EYS: variants seen among roughly 807,000 people sequenced by gnomAD.
The protein encoded by EYS is protein eyes shut homolog.
In EYS, 250 loss-of-function variants were observed where a neutral mutation model predicts 282.1. That is an observed-to-expected ratio of 0.89 (90% CI 0.80 to 0.98). The LOEUF (loss-of-function observed/expected upper bound fraction) is 0.98, where lower values mean the gene tolerates loss of function less well. Among genes scored for constraint, EYS ranks in the 50% least tolerant of loss-of-function variants. EYS has a pLI of 0.00. For missense variants in EYS, 4,016 were observed against 3,709.0 expected (o/e 1.08, Z -2.15); for synonymous variants, 1,355 against 1,282.9 (o/e 1.06, Z -1.20).
At chr6:64,966,422 T>C (rs893930347) in intron 14 of EYS, among the ~76,000 whole-genome samples, 2 of 152,170 alleles carry the variant, frequency 1.3e-5, no homozygotes, top group African/African-American at 4.8e-5. Context: ...TATGTCATAT[T>C]CTATTAAAAT....
At chr6:63,844,983 A>T (rs1772061231) in intron 36 of EYS, among the ~76,000 whole-genome samples, 1 of 152,052 alleles carries the variant, frequency 6.6e-6, no homozygotes, top group African/African-American at 2.4e-5. Context: ...TAGGGCTTTT[A>T]TAGTTTTGGG....
In EYS at chr6:65,702,552, C is replaced by T. The variant is rs142303779; in HGVS notation, c.-448+4583G>A. On this transcript the variant is annotated intron_variant, in intron 1 of 42. Transcript: ENST00000503581. ...ACTAAAAATACAAAAATTAGCCAGG[C>T]GTGGTAGCACTTGCCTGTATTCCCA... is the stretch of plus-strand genomic sequence containing the variant. 9.9e-3 allele frequency among the ~76,000 whole-genome samples: 1,502 copies of T among 152,112 alleles called. 27 individuals are homozygous for T. The highest frequency in any genetic ancestry group is 0.034 in the African/African-American group (1,405 of 41,492).
intron 26 of EYS, among the ~76,000 whole-genome samples, chr6:64,569,852 A>G (rs1765670321): frequency 1.3e-5 from 2 of 152,228 alleles, no homozygotes; most frequent in Admixed American, 1.3e-4. Flanking sequence ...GGAGAATGGA[A>G]CCAAGAGAAT....
chr6:64,018,401 T>C (rs1360721647), intron 33 of EYS, among the ~76,000 whole-genome samples: 1 of 152,208 alleles, frequency 6.6e-6, no homozygotes, highest in East Asian at 1.9e-4. Context: ...CTTCTTGCTT[T>C]CTCATCAAAT....
chr6:65,438,143 G>A (rs1768153578), intron 5 of EYS, among the ~76,000 whole-genome samples: 1 of 151,906 alleles, frequency 6.6e-6, no homozygotes, highest in Non-Finnish European at 1.5e-5. Context: ...TGCTGAGAAT[G>A]ATGGTTTCCA....
chr6:64,523,561 G>A (rs1443567201), intron 26 of EYS, among the ~76,000 whole-genome samples: 2 of 151,776 alleles, frequency 1.3e-5, no homozygotes, highest in Admixed American at 6.6e-5. Flanking sequence ...CAACACCCAT[G>A]TGGTAAAAGT....
At chr6:63,907,988 A>G (rs1465142773) in intron 35 of EYS, among the ~76,000 whole-genome samples, 2 of 41,184 alleles carry the variant, frequency 4.9e-5, no homozygotes, top group African/African-American at 2.6e-4. Flanking sequence ...GTATATATGT[A>G]CACACACACA....
chr6:64,435,180 A>G (rs920260992), intron 28 of EYS, among the ~76,000 whole-genome samples: 6 of 152,206 alleles, frequency 3.9e-5, no homozygotes, highest in African/African-American at 1.4e-4. Context: ...AAAAAAAAGA[A>G]AAAAGATGAT....
intron 42 of EYS, among the ~76,000 whole-genome samples, chr6:63,723,186 T>C (rs1768472788): frequency 6.6e-6 from 1 of 152,200 alleles, no homozygotes. Context: ...TGAAAATTGT[T>C]TTAAAAATTC....
intron 19 of EYS, among the ~76,000 whole-genome samples, chr6:64,847,889 T>G (rs1348424747): frequency 6.6e-6 from 1 of 152,090 alleles, no homozygotes; most frequent in African/African-American, 2.4e-5. Flanking sequence ...TCAATGCTGA[T>G]TGGAAATGCC....
chr6:64,467,897 G>C (rs1775978618), intron 26 of EYS, among the ~76,000 whole-genome samples: 1 of 152,024 alleles, frequency 6.6e-6, no homozygotes, highest in Non-Finnish European at 1.5e-5. Flanking sequence ...TTGGGGATTG[G>C]CCTGTCCAGC....
chr6:63,974,044 A>T (rs1295860784), intron 35 of EYS, among the ~76,000 whole-genome samples: 11 of 152,146 alleles, frequency 7.2e-5, no homozygotes, highest in Non-Finnish European at 1.5e-5. Flanking sequence ...AATCACTTAA[A>T]CTTGTTTTTT....
At chr6:65,515,921 C>A (rs916454249) in intron 2 of EYS, among the ~76,000 whole-genome samples, 28 of 151,628 alleles carry the variant, frequency 1.8e-4, no homozygotes, top group African/African-American at 5.6e-4. Flanking sequence ...TGCACATGTA[C>A]CCTAAAACTT....
intron 1 of EYS, 73 bp from the exon 2 acceptor site, chr6:65,639,965 C>G (rs1278981668): frequency 6.6e-6 from 1 of 152,138 alleles, no homozygotes; most frequent in Admixed American, 6.5e-5. Context: ...TCTCCCACAT[C>G]TTATGGAGGG....
chr6:65,598,987 A>G (rs1475974941), intron 2 of EYS, among the ~76,000 whole-genome samples: 2 of 152,060 alleles, frequency 1.3e-5, no homozygotes, highest in Non-Finnish European at 1.5e-5. Context: ...ATATTTATAT[A>G]TCTATATCTA....
intron 29 of EYS, among the ~76,000 whole-genome samples, chr6:64,383,915 C>T (rs1772826271): frequency 6.6e-6 from 1 of 152,110 alleles, no homozygotes; most frequent in Admixed American, 6.6e-5. Context: ...ATCATAAACA[C>T]ATTTAGTGAG....
In EYS at chr6:64,983,058, T is replaced by G. The variant is rs918519121; in HGVS notation, c.2259+14524A>C. 3.7e-4 allele frequency among the ~76,000 whole-genome samples: 56 copies of G among 151,220 alleles called. 1 individual carries two copies. Among genetic ancestry groups the G allele is most frequent in the Non-Finnish European group, 1.9e-4 (13 of 67,406 alleles). On this transcript the variant is annotated intron_variant, in intron 14 of 42. Coordinates refer to ENST00000503581, the MANE Select transcript of EYS (RefSeq NM_001142800.2). ...ATTAAACGGTTCTTATTTTATAACA[T>G]TATGAATTTCATGTCGGTTTTATTT...
intron 12 of EYS, among the ~76,000 whole-genome samples, chr6:65,172,320 T>C (rs956154040): frequency 2.0e-5 from 3 of 151,424 alleles, no homozygotes; most frequent in Non-Finnish European, 4.4e-5. Flanking sequence ...AGTCAGCTGA[T>C]ATGGAAAATA....
chr6:65,290,830 ATG>A (rs1240264726), intron 12 of EYS, among the ~76,000 whole-genome samples: 1 of 151,272 alleles, frequency 6.6e-6, no homozygotes, highest in African/African-American at 2.4e-5. Context: ...TTTCTATTTA[ATG>A]TGTTTTAATT....
Sources: allele counts gnomAD v4.1 joint callset (sites outside exome capture counted in the v4.1 genomes callset), GRCh38; gene constraint gnomAD v4.1.1; transcripts MANE v1.5; gene names NCBI Gene and HGNC (gene_info 2026-07-23, HGNC 2026-07-21).